Variants in AUTS2 observed in about 807,000 individuals in gnomAD.
AUTS2 encodes the protein activator of transcription and developmental regulator AUTS2, also known as autism susceptibility gene 2 protein.
Under a neutral mutation model 112.4 loss-of-function variants are expected in AUTS2, and 17 were observed. The observed-to-expected ratio is 0.15, with a 90% CI of 0.10 to 0.23. The LOEUF (loss-of-function observed/expected upper bound fraction) is 0.23, where lower values mean the gene tolerates loss of function less well. AUTS2 is among the 10% of genes least tolerant of loss of function. AUTS2 has a pLI of 1.00. For synonymous variants in AUTS2, 751 were observed against 702.7 expected (o/e 1.07, Z -1.09); for missense variants, 1,510 against 1,701.6 (o/e 0.89, Z 1.98).
At chr7:70,698,499 T>G in intron 5 of AUTS2, 70 bp from the exon 6 acceptor site, 1 of 1,295,332 alleles carries the variant, frequency 7.7e-7, no homozygotes, top group Non-Finnish European at 1.1e-6. Context: ...TTTAAAATAA[T>G]GGGAATGTTG....
At chr7:70,013,787 G>A (rs535403813) in intron 2 of AUTS2, among the ~76,000 whole-genome samples, 2 of 152,158 alleles carry the variant, frequency 1.3e-5, no homozygotes, top group African/African-American at 2.4e-5. Flanking sequence ...GCGCGAACTC[G>A]GCTCACTGCA....
intron 4 of AUTS2, among the ~76,000 whole-genome samples, chr7:70,389,463 G>A (rs2129686589): frequency 6.6e-6 from 1 of 152,330 alleles, no homozygotes; most frequent in Non-Finnish European, 1.5e-5. Context: ...CAAGCCTAGT[G>A]TTCTCTCAGA....
chr7:70,514,478 A>G (rs891200952), intron 5 of AUTS2, among the ~76,000 whole-genome samples: 10 of 152,214 alleles, frequency 6.6e-5, no homozygotes, highest in African/African-American at 1.9e-4. Context: ...AGGGGAAGAG[A>G]GGGAGCAAAA....
chr7:69,872,149 G>A (rs890005674), intron 1 of AUTS2, among the ~76,000 whole-genome samples: 2 of 152,194 alleles, frequency 1.3e-5, no homozygotes, highest in East Asian at 1.9e-4. Context: ...GGCCCTGAGC[G>A]ATTGCACAGG....
At chr7:70,062,111 C>T (rs1802277138) in intron 2 of AUTS2, among the ~76,000 whole-genome samples, 1 of 151,816 alleles carries the variant, frequency 6.6e-6, no homozygotes, top group Non-Finnish European at 1.5e-5. Flanking sequence ...CCTAATTTCT[C>T]TCACAAACCT....
At chr7:70,100,806 G>A (rs1243687115) in intron 2 of AUTS2, among the ~76,000 whole-genome samples, 2 of 152,172 alleles carry the variant, frequency 1.3e-5, no homozygotes, top group African/African-American at 4.8e-5. Flanking sequence ...AATATGAGGT[G>A]TGGAACCCAA....
At chr7:70,338,709 G>T (rs1051066994) in intron 4 of AUTS2, among the ~76,000 whole-genome samples, 2 of 152,064 alleles carry the variant, frequency 1.3e-5, no homozygotes, top group Non-Finnish European at 2.9e-5. Context: ...AGGACATGTG[G>T]TTTCCTGGAA....
At chr7:70,393,051 C>T (rs1378619263) in intron 4 of AUTS2, among the ~76,000 whole-genome samples, 1 of 152,252 alleles carries the variant, frequency 6.6e-6, no homozygotes, top group African/African-American at 2.4e-5. Context: ...CTGCTCCCGA[C>T]AGGAAGGGTA....
At chr7:70,503,118 T>G (rs760568270) in intron 5 of AUTS2, among the ~76,000 whole-genome samples, 14 of 152,080 alleles carry the variant, frequency 9.2e-5, no homozygotes, top group Non-Finnish European at 1.3e-4. Context: ...CACCCATAGG[T>G]GTGCCTGTGC....
At chr7:69,789,280 C>A (rs1364506907) in intron 1 of AUTS2, among the ~76,000 whole-genome samples, 3 of 152,140 alleles carry the variant, frequency 2.0e-5, no homozygotes, top group African/African-American at 7.2e-5. Context: ...AAAATGTATG[C>A]CCAGGCTGCA....
chr7:70,343,386 G>A (rs1325007922), intron 4 of AUTS2, among the ~76,000 whole-genome samples: 1 of 152,162 alleles, frequency 6.6e-6, no homozygotes, highest in Non-Finnish European at 1.5e-5. Context: ...GTGGTTTTCT[G>A]CTCAACAGAA....
intron 5 of AUTS2, among the ~76,000 whole-genome samples, chr7:70,502,204 G>A (rs183774854): frequency 9.2e-5 from 14 of 152,342 alleles, no homozygotes; most frequent in Admixed American, 8.5e-4. Context: ...TGCAAGTGCT[G>A]CTTCGACCAT....
intron 2 of AUTS2, among the ~76,000 whole-genome samples, chr7:69,964,315 C>T (rs756540604): frequency 1.6e-4 from 24 of 152,142 alleles, no homozygotes; most frequent in Non-Finnish European, 2.8e-4. Context: ...CAGGTCAGTT[C>T]GCAGCCTGGA....
chr7:70,746,726 G>C (rs1585617845), intron 6 of AUTS2, among the ~76,000 whole-genome samples: 2 of 152,152 alleles, frequency 1.3e-5, no homozygotes, highest in Middle Eastern at 3.4e-3. Context: ...GGAGAGGGGG[G>C]CAGGCCTTGA....
rs73704324 is a variant in AUTS2 at position 69,673,830 on chromosome 7, G to A, written c.309+73868G>A. On this transcript the variant is annotated intron_variant, in intron 1 of 18. Transcript: ENST00000342771. ...GTGCTCCAGGGAAAAGGAGATTGAT[G>A]TGGACTATTAAGCCAAAAATGAGAA... is the stretch of plus-strand genomic sequence containing the variant. 6.7e-3 allele frequency among the ~76,000 whole-genome samples: 1,022 copies of A among 152,298 alleles called. 16 individuals are homozygous for A. The highest frequency in any genetic ancestry group is 0.023 in the African/African-American group (960 of 41,568).
intron 2 of AUTS2, among the ~76,000 whole-genome samples, chr7:70,011,391 C>T (rs1799802139): frequency 6.9e-6 from 1 of 145,592 alleles, no homozygotes; most frequent in Non-Finnish European, 1.5e-5. Context: ...TCTACTCTCC[C>T]ACTTCTACCC....
intron 1 of AUTS2, among the ~76,000 whole-genome samples, chr7:69,607,583 T>G (rs1387989489): frequency 6.6e-6 from 1 of 152,234 alleles, no homozygotes; most frequent in Non-Finnish European, 1.5e-5. Flanking sequence ...TTTCTCAGCT[T>G]ATGTCTGAAT....
At chr7:69,997,830 G>C (rs1197203838) in intron 2 of AUTS2, among the ~76,000 whole-genome samples, 2 of 152,100 alleles carry the variant, frequency 1.3e-5, no homozygotes, top group Non-Finnish European at 2.9e-5. Flanking sequence ...ATTTGGAGAG[G>C]ACAAAACATC....
At chr7:69,729,429 C>CG (rs932429566) in intron 1 of AUTS2, among the ~76,000 whole-genome samples, 48 of 146,422 alleles carry the variant, frequency 3.3e-4, no homozygotes, top group Non-Finnish European at 6.4e-4. Flanking sequence ...ACCCCCCCCC[C>CG]CATTTTTATA....
Sources: allele counts gnomAD v4.1 joint callset (sites outside exome capture counted in the v4.1 genomes callset), GRCh38; gene constraint gnomAD v4.1.1; transcripts MANE v1.5; gene names NCBI Gene and HGNC (gene_info 2026-07-23, HGNC 2026-07-21).